CNDP2: variants seen among roughly 807,000 people sequenced by gnomAD.
The protein encoded by CNDP2 is carnosine dipeptidase 2, also known as cytosolic non-specific dipeptidase.
Under a neutral mutation model 55.0 loss-of-function variants are expected in CNDP2, and 38 were observed. The ratio of observed to expected loss-of-function variants is 0.69; its 90% CI spans 0.53 to 0.90. CNDP2 has a LOEUF of 0.90. CNDP2 is among the 40% of genes least tolerant of loss of function. The pLI is 0.00. For synonymous variants in CNDP2, 241 were observed against 260.2 expected (o/e 0.93, Z 0.71); for missense variants, 607 against 621.7 (o/e 0.98, Z 0.25).
At chr18:74,517,838 A>G (rs1234773318) in intron 9 of CNDP2, 1 of 152,242 alleles carries the variant, frequency 6.6e-6, no homozygotes, top group African/African-American at 2.4e-5. Context: ...TGTCCATAAT[A>G]TAAAGCAGGT....
Position 74,520,356 on chromosome 18 carries a change from C to T in CNDP2, c.*288C>T, listed in dbSNP as rs548770128. 2.1e-5 allele frequency: 8 copies of T among 378,624 alleles called. No individual in the cohort carries two copies. The highest frequency in any genetic ancestry group is 4.2e-5 in the African/African-American group (2 of 47,950). The allele number at this position is 378,624 out of a possible 1,614,324, so 23.5% of individuals were successfully genotyped here. The stretch of plus-strand genomic sequence containing the variant: ...CCAAGGTCCAAAAGCACAAGGTCTG[C>T]GGAAAGTTCTGGTTGTCGGCCGGGC... On this transcript the variant is annotated 3_prime_UTR_variant, in exon 12 of 12. Coordinates refer to ENST00000324262, the MANE Select transcript of CNDP2 (RefSeq NM_018235.3).
chr18:74,504,808 T>C (rs554750475), intron 3 of CNDP2: 1 of 152,366 alleles, frequency 6.6e-6, no homozygotes, highest in African/African-American at 2.4e-5. Context: ...ATGGGGTATT[T>C]TCCTATTGGA....
Position 74,518,461 on chromosome 18 carries a change from A to G in CNDP2, c.1069-38A>G, listed in dbSNP as rs761235701. 4.3e-6 allele frequency: 7 copies of G among 1,611,850 alleles called. No homozygotes were observed. In the African/African-American group the frequency reaches 5.3e-5, roughly 12 times the overall value. On this transcript the variant is annotated intron_variant, in intron 9 of 11. Coordinates refer to ENST00000324262, the MANE Select transcript of CNDP2 (RefSeq NM_018235.3). Reference sequence around the variant, plus strand: ...CTAGCACTGGATCAAATGCAAGCTTATAAAGCATTGTATACCTCTATTCTA... The same window carrying G: ...CTAGCACTGGATCAAATGCAAGCTTGTAAAGCATTGTATACCTCTATTCTA...
At chr18:74,509,196 T>C (rs1428862692) in intron 5 of CNDP2, 2 of 453,304 alleles carry the variant, frequency 4.4e-6, no homozygotes, top group Admixed American at 3.4e-5. Flanking sequence ...GCATGAAATG[T>C]GACTTTTCAG....
intron 5 of CNDP2, among the ~76,000 whole-genome samples, chr18:74,509,930 C>T (rs2144594465): frequency 6.6e-6 from 1 of 152,314 alleles, no homozygotes; most frequent in Non-Finnish European, 1.5e-5. Flanking sequence ...CGGGGGATTA[C>T]TTTACATGGT....
rs1466929140 is a variant in CNDP2 at position 74,506,026 on chromosome 18, C to T, written c.367+15C>T. 6.5e-7 allele frequency: 1 copy of T among 1,549,240 alleles called. No homozygotes were observed. ...GGAGCGAGACGGTGAGCGCCGCGCG[C>T]CTATGCGTGCCCAGAGGAAAGGCAC... On this transcript the variant is annotated intron_variant, in intron 4 of 11. Coordinates refer to ENST00000324262, the MANE Select transcript of CNDP2 (RefSeq NM_018235.3).
In CNDP2 at chr18:74,513,637, A is replaced by G; in HGVS notation, c.821A>G (p.His274Arg). The G allele has an allele frequency of 6.2e-7, 1 of 1,614,070 alleles. No individual in the cohort carries two copies. Among genetic ancestry groups the G allele is most frequent in the South Asian group, 1.1e-5 (1 of 91,086 alleles). ...GTGGCCGCCGTCACGGAAGAGGAGC[A>G]CAAGCTGTACGACGACATCGACTTT... ...EAVAAVTEEE[H>R]KLYDDIDFDI... Residue 274 changes from histidine to arginine, a missense_variant, in exon 8 of 12, where the codon CAC (histidine) becomes CGC (arginine). His to Arg is a conservative substitution (Grantham distance 29). Transcript: ENST00000324262.
At chr18:74,515,838 C>G (rs962066131) in intron 8 of CNDP2, among the ~76,000 whole-genome samples, 1 of 152,214 alleles carries the variant, frequency 6.6e-6, no homozygotes, top group Non-Finnish European at 1.5e-5. Flanking sequence ...CTGCACACAG[C>G]CTGGGCTGCA....
intron 5 of CNDP2, among the ~76,000 whole-genome samples, 191 bp from the exon 6 acceptor site, chr18:74,510,622 G>C (rs1979289477): frequency 6.6e-6 from 1 of 152,190 alleles, no homozygotes; most frequent in Non-Finnish European, 1.5e-5. Flanking sequence ...TGCGAGACTG[G>C]ACCAGTCCAA....
At chr18:74,510,423 C>T (rs1164278250) in intron 5 of CNDP2, among the ~76,000 whole-genome samples, 2 of 152,222 alleles carry the variant, frequency 1.3e-5, no homozygotes, top group South Asian at 2.1e-4. Context: ...GGGAGAGCAG[C>T]GCTTCTGTGC....
intron 8 of CNDP2, among the ~76,000 whole-genome samples, chr18:74,514,222 A>G (rs1275258533): frequency 4.0e-5 from 6 of 151,090 alleles, no homozygotes; most frequent in Non-Finnish European, 7.4e-5. Context: ...TATGTGGTAC[A>G]GATGTGAGTT....
At chr18:74,500,341 T>C (rs1232463227) in intron 2 of CNDP2, among the ~76,000 whole-genome samples, 1 of 152,258 alleles carries the variant, frequency 6.6e-6, no homozygotes. Flanking sequence ...TCAATAGTTA[T>C]ATATTAATCT....
At chr18:74,509,162 C>T (rs1039525131) in intron 5 of CNDP2, 6 of 494,456 alleles carry the variant, frequency 1.2e-5, no homozygotes, top group East Asian at 3.0e-5. Flanking sequence ...ACAATATTGG[C>T]GACTCAGCGT....
At chr18:74,509,765 A>G (rs1273657220) in intron 5 of CNDP2, 1 of 152,164 alleles carries the variant, frequency 6.6e-6, no homozygotes, top group Non-Finnish European at 1.5e-5. Context: ...AAATCTACCA[A>G]GATTTTCTGT....
At chr18:74,503,010 G>A (rs1978795564) in intron 3 of CNDP2, among the ~76,000 whole-genome samples, 1 of 151,096 alleles carries the variant, frequency 6.6e-6, no homozygotes, top group East Asian at 1.9e-4. Flanking sequence ...CCATCTTTGG[G>A]AGACTAAACC....
intron 11 of CNDP2, among the ~76,000 whole-genome samples, chr18:74,519,326 A>G (rs1053631112): frequency 6.6e-6 from 1 of 152,284 alleles, no homozygotes; most frequent in Admixed American, 6.5e-5. Flanking sequence ...TCTGCACTTC[A>G]TCTACCCCTC....
In CNDP2 at chr18:74,499,936, G is replaced by A; in HGVS notation, c.-38G>A. On this transcript the variant is annotated 5_prime_UTR_variant, in exon 2 of 12. Transcript: ENST00000324262. ...ACTGACCAGTTGCTCTTCCTTCCAA[G>A]AACCTTCGAGATCTGCGGTCTGGGG... The A allele has an allele frequency of 1.2e-6, 2 of 1,605,544 alleles. No homozygotes were observed. Among genetic ancestry groups the A allele is most frequent in the Non-Finnish European group, 1.7e-6 (2 of 1,172,612 alleles).
chr18:74,504,669 A>G (rs1207466728), intron 3 of CNDP2: 7 of 152,184 alleles, frequency 4.6e-5, no homozygotes, highest in Non-Finnish European at 8.8e-5. Flanking sequence ...GTTAATACCT[A>G]TTTTCATGAA....
chr18:74,501,932 C>T (rs892488235), intron 3 of CNDP2, among the ~76,000 whole-genome samples: 11 of 152,218 alleles, frequency 7.2e-5, no homozygotes, highest in Admixed American at 1.3e-4. Flanking sequence ...CTCCCTCTGT[C>T]GCCCAGGCTG....
Sources: allele counts gnomAD v4.1 joint callset (sites outside exome capture counted in the v4.1 genomes callset), GRCh38; gene constraint gnomAD v4.1.1; transcripts MANE v1.5; gene names NCBI Gene and HGNC (gene_info 2026-07-23, HGNC 2026-07-21).